The following PCDH9 variants were observed in gnomAD, a reference collection of about 807,000 sequenced individuals.
PCDH9 encodes the protein protocadherin-9.
In PCDH9, 24 loss-of-function variants were observed where a neutral mutation model predicts 70.6. The observed-to-expected ratio is 0.34, with a 90% CI of 0.25 to 0.48. PCDH9 has a LOEUF of 0.48. PCDH9 is among the 20% of genes least tolerant of loss of function. The pLI, the probability that PCDH9 is intolerant of heterozygous loss-of-function variation, is 0.99. For missense variants in PCDH9, 1,281 were observed against 1,503.6 expected (o/e 0.85, Z 2.45); for synonymous variants, 562 against 558.5 (o/e 1.01, Z -0.09).
At chr13:67,084,678 C>T (rs1013815696) in intron 2 of PCDH9, among the ~76,000 whole-genome samples, 6 of 151,808 alleles carry the variant, frequency 4.0e-5, no homozygotes, top group Non-Finnish European at 2.9e-5. Context: ...GGTTCAATAA[C>T]ATATGTTGCC....
chr13:66,504,413 T>C (rs1287615434), intron 4 of PCDH9, among the ~76,000 whole-genome samples: 5 of 152,156 alleles, frequency 3.3e-5, no homozygotes, highest in Admixed American at 2.6e-4. Context: ...TCTGAGCTGA[T>C]TGTATAAGTG....
intron 2 of PCDH9, among the ~76,000 whole-genome samples, chr13:67,103,835 G>A (rs898005832): frequency 6.6e-6 from 1 of 152,086 alleles, no homozygotes; most frequent in Non-Finnish European, 1.5e-5. Flanking sequence ...GAAAATCTTT[G>A]AGCATGGAAT....
At chr13:66,847,107 T>C (rs989826451) in intron 3 of PCDH9, among the ~76,000 whole-genome samples, 3 of 152,128 alleles carry the variant, frequency 2.0e-5, no homozygotes, top group Non-Finnish European at 4.4e-5. Flanking sequence ...CTAAACCTAT[T>C]AAGTAACCTC....
chr13:66,800,928 T>C lies in PCDH9; in HGVS notation c.3138+102576A>G, dbSNP rs532027820. On this transcript the variant is annotated intron_variant, in intron 3 of 4. Coordinates refer to ENST00000377865, the MANE Select transcript of PCDH9 (RefSeq NM_203487.3). Reference sequence around the variant, plus strand: ...TAGAAAAATGCTGGCACATCCTAACTATTCAATAAATGTTACCTCTTGTTA... The same window carrying C: ...TAGAAAAATGCTGGCACATCCTAACCATTCAATAAATGTTACCTCTTGTTA... 3.7e-4 allele frequency among the ~76,000 whole-genome samples: 56 copies of C among 151,918 alleles called. No homozygotes were observed. The South Asian group carries it at 0.012, about 32-fold the overall frequency.
intron 3 of PCDH9, among the ~76,000 whole-genome samples, chr13:66,812,819 CT>C (rs1433497828): frequency 3.9e-5 from 6 of 152,108 alleles, no homozygotes; most frequent in Non-Finnish European, 7.4e-5. Context: ...TTGGATTAAA[CT>C]TTATTTTGTC....
intron 4 of PCDH9, among the ~76,000 whole-genome samples, chr13:66,370,824 A>G (rs943345086): frequency 6.6e-6 from 1 of 151,996 alleles, no homozygotes; most frequent in Non-Finnish European, 1.5e-5. Context: ...TCCTATTGCC[A>G]TAGTCTTGAA....
Position 66,981,197 on chromosome 13 carries a change from G to T in PCDH9, c.3037-77592C>A, listed in dbSNP as rs375309856. Among the ~76,000 whole-genome samples, 7 of 152,152 alleles carry T rather than the reference G, an allele frequency of 4.6e-5. No homozygotes were observed. In the East Asian group the frequency reaches 7.7e-4, roughly 17 times the overall value. ...CTCACGCCTGTAATCCCAGCACTTC[G>T]GGAGGCCCAGGCGGGCGGATCACGA... is the stretch of plus-strand genomic sequence containing the variant. On this transcript the variant is annotated intron_variant, in intron 2 of 4. Transcript: ENST00000377865.
intron 2 of PCDH9, chr13:67,209,566 T>C (rs1175739237): frequency 6.6e-6 from 1 of 152,098 alleles, no homozygotes; most frequent in East Asian, 1.9e-4. Context: ...CCTAAACTTG[T>C]TAGAAGATGA....
At chr13:66,893,645 A>T (rs1476517175) in intron 3 of PCDH9, among the ~76,000 whole-genome samples, 4 of 152,156 alleles carry the variant, frequency 2.6e-5, no homozygotes, top group African/African-American at 7.2e-5. Flanking sequence ...ACAATAATCA[A>T]CCTACACTGA....
chr13:67,124,746 T>C (rs1315377015), intron 2 of PCDH9, among the ~76,000 whole-genome samples: 4 of 152,228 alleles, frequency 2.6e-5, no homozygotes. Flanking sequence ...TTGTCTTGAC[T>C]GAAGTTTTGG....
intron 2 of PCDH9, among the ~76,000 whole-genome samples, chr13:66,927,232 T>C (rs1026008467): frequency 1.3e-5 from 2 of 151,922 alleles, no homozygotes; most frequent in Admixed American, 6.6e-5. Flanking sequence ...ATGAATAAGA[T>C]CATGTTCTTT....
intron 4 of PCDH9, among the ~76,000 whole-genome samples, chr13:66,599,809 A>G (rs1205437339): frequency 6.6e-6 from 1 of 151,844 alleles, no homozygotes; most frequent in East Asian, 1.9e-4. Flanking sequence ...GACTATATCT[A>G]CTAGAGGAAA....
intron 4 of PCDH9, among the ~76,000 whole-genome samples, chr13:66,506,640 C>T (rs1350452212): frequency 6.6e-6 from 1 of 152,094 alleles, no homozygotes; most frequent in Non-Finnish European, 1.5e-5. Context: ...TGGACAGAGA[C>T]CATGTCTGTT....
chr13:67,198,838 G>A (rs531325118), intron 2 of PCDH9, among the ~76,000 whole-genome samples: 15 of 151,640 alleles, frequency 9.9e-5, no homozygotes, highest in Middle Eastern at 3.3e-3. Flanking sequence ...TATTTAAATA[G>A]CAAAAGTGGC....
At chr13:67,209,370 GA>G (rs1335049841) in intron 2 of PCDH9, 13 of 152,086 alleles carry the variant, frequency 8.5e-5, no homozygotes, top group African/African-American at 2.9e-4. Context: ...GCATTAAAGA[GA>G]CTGCTTAATA....
Position 66,352,648 on chromosome 13 carries a change from C to T in PCDH9, c.3341-47620G>A, listed in dbSNP as rs144934776. Among the ~76,000 whole-genome samples, 1,414 of 152,170 alleles carry T rather than the reference C, an allele frequency of 9.3e-3. 21 individuals are homozygous for T. The highest frequency in any genetic ancestry group is 0.032 in the African/African-American group (1,346 of 41,530). On this transcript the variant is annotated intron_variant, in intron 4 of 4. Coordinates refer to ENST00000377865, the MANE Select transcript of PCDH9 (RefSeq NM_203487.3). ...GCCCCACCCTTTTATATTCATTTAC[C>T]CTTAATTACATCCTTAGAGGCCCCA...
intron 2 of PCDH9, among the ~76,000 whole-genome samples, chr13:66,955,006 G>A (rs1489364412): frequency 6.6e-6 from 1 of 152,058 alleles, no homozygotes; most frequent in Non-Finnish European, 1.5e-5. Context: ...CTCGTGATCT[G>A]CCCGCCTCAG....
rs35787790 is a variant in PCDH9 at position 66,384,831 on chromosome 13, A to AT, written c.3341-79804dup. ...AGGCACCTGCCACCACTCCCAGATA[A>AT]TTTTTTTTTGTATTTTTAGTAGAGA... On this transcript the variant is annotated intron_variant, in intron 4 of 4. Transcript: ENST00000377865. 1.6e-3 allele frequency among the ~76,000 whole-genome samples: 246 copies of AT among 151,162 alleles called. 2 individuals are homozygous for AT. In the East Asian group the frequency reaches 0.028, roughly 17 times the overall value.
At chr13:66,770,859 C>T (rs1470299561) in intron 3 of PCDH9, among the ~76,000 whole-genome samples, 1 of 152,132 alleles carries the variant, frequency 6.6e-6, no homozygotes, top group Non-Finnish European at 1.5e-5. Flanking sequence ...TTCAAAAACA[C>T]AAATATGGTC....
Sources: allele counts gnomAD v4.1 joint callset (sites outside exome capture counted in the v4.1 genomes callset), GRCh38; gene constraint gnomAD v4.1.1; transcripts MANE v1.5; gene names NCBI Gene and HGNC (gene_info 2026-07-23, HGNC 2026-07-21).